KIF16B: variants seen among roughly 807,000 people sequenced by gnomAD.
The protein encoded by KIF16B is kinesin family member 16B.
KIF16B carries 98 observed loss-of-function variants against 156.3 expected under a neutral mutation model. That is an observed-to-expected ratio of 0.63 (90% CI 0.53 to 0.74). The LOEUF is 0.74. KIF16B is among the 30% of genes least tolerant of loss of function. The pLI is 0.00. For synonymous variants in KIF16B, 564 were observed against 583.7 expected, an observed-to-expected ratio of 0.97 and a Z score of 0.49; for missense variants, 1,421 against 1,606.5, an observed-to-expected ratio of 0.88 and a Z score of 1.97.
intron 12 of KIF16B, among the ~76,000 whole-genome samples, chr20:16,439,205 A>G (rs2066728258): frequency 6.6e-6 from 1 of 152,026 alleles, no homozygotes; most frequent in Admixed American, 6.6e-5. Context: ...ACAACTTTCC[A>G]TCTCCACTGC....
At chr20:16,359,748 A>C (rs2064516089) in intron 22 of KIF16B, among the ~76,000 whole-genome samples, 1 of 152,156 alleles carries the variant, frequency 6.6e-6, no homozygotes, top group Non-Finnish European at 1.5e-5. Context: ...TAGATCTTAT[A>C]ATATTACGTA....
chr20:16,293,217 G>C (rs75510978), intron 25 of KIF16B, among the ~76,000 whole-genome samples: 5,229 of 152,248 alleles, frequency 0.034, 97 homozygotes, highest in Middle Eastern at 0.054. Context: ...AAGAATCGAC[G>C]AACTGTTTAC....
intron 5 of KIF16B, 66 bp from the exon 6 acceptor site, chr20:16,511,593 A>G: frequency 3.0e-6 from 3 of 1,000,144 alleles, no homozygotes; most frequent in East Asian, 5.1e-5. Context: ...GTAACAACAC[A>G]TAACAGCAGC....
At chr20:16,347,552 G>A (rs1394389545) in intron 23 of KIF16B, among the ~76,000 whole-genome samples, 2 of 151,826 alleles carry the variant, frequency 1.3e-5, no homozygotes, top group Non-Finnish European at 2.9e-5. Context: ...TGGTTTGTGT[G>A]AAAACCGGGA....
At chr20:16,409,967 A>ATATATATATATGTAGG (rs1555877397) in intron 15 of KIF16B, among the ~76,000 whole-genome samples, 19 of 30,104 alleles carry the variant, frequency 6.3e-4, no homozygotes, top group Admixed American at 2.3e-3. Flanking sequence ...ATATATATAT[A>ATATATATATATGTAGG]TACATATATA....
At chr20:16,552,420 T>G (rs1600684633) in intron 1 of KIF16B, among the ~76,000 whole-genome samples, 1 of 152,218 alleles carries the variant, frequency 6.6e-6, no homozygotes, top group East Asian at 1.9e-4. Context: ...TTCGTTGAGG[T>G]TTTCAGGTGA....
chr20:16,311,222 C>T (rs901518741), intron 25 of KIF16B, among the ~76,000 whole-genome samples: 4 of 152,344 alleles, frequency 2.6e-5, no homozygotes, highest in Non-Finnish European at 4.4e-5. Flanking sequence ...GGCGCAGTGG[C>T]TCACGCCTGT....
chr20:16,528,240 C>A, intron 2 of KIF16B, 131 bp downstream of exon 2: 1 of 661,492 alleles, frequency 1.5e-6, no homozygotes, highest in Non-Finnish European at 2.7e-6. Context: ...CAGGTGCAAG[C>A]TGACGTGGCT....
rs555820075 is a variant in KIF16B, at chr20:16,499,526, T to C, written c.1177-1848A>G. On this transcript the variant is annotated intron_variant, in intron 10 of 25. Coordinates refer to ENST00000354981, the MANE Select transcript of KIF16B (RefSeq NM_024704.5). ...ATGCATCATTGCATCTAACATGTTG[T>C]CTTGCACAGAGATGGTACTTAATAA... Among the ~76,000 whole-genome samples, 9 of 152,370 alleles carry C rather than the reference T, an allele frequency of 5.9e-5. No individual in the cohort carries two copies. In the East Asian group the frequency reaches 1.7e-3, roughly 29 times the overall value.
chr20:16,275,394 G>A (rs140871562), intron 25 of KIF16B, among the ~76,000 whole-genome samples: 49 of 152,250 alleles, frequency 3.2e-4, no homozygotes, highest in Non-Finnish European at 6.9e-4. Context: ...AACTTCATGA[G>A]TGCTGACCCA....
chr20:16,412,477 T>C (rs111385651), intron 15 of KIF16B, among the ~76,000 whole-genome samples: 2,673 of 152,184 alleles, frequency 0.018, 81 homozygotes, highest in African/African-American at 0.06. Context: ...CAAGACTGGG[T>C]AATTTATAAA....
intron 15 of KIF16B, among the ~76,000 whole-genome samples, chr20:16,424,308 C>T (rs1004256057): frequency 4.6e-5 from 7 of 152,036 alleles, no homozygotes; most frequent in Admixed American, 1.3e-4. Flanking sequence ...CCCAGGTTGG[C>T]GCTCCATCGC....
intron 17 of KIF16B, among the ~76,000 whole-genome samples, chr20:16,386,490 C>G (rs749765440): frequency 1.3e-5 from 2 of 151,694 alleles, no homozygotes; most frequent in Non-Finnish European, 2.9e-5. Flanking sequence ...GTGAGAGGAA[C>G]CTGGAGATGG....
At position 16,500,689 on chromosome 20, in the gene KIF16B, C is replaced by T. The variant is rs575881215; in HGVS notation, c.1177-3011G>A. ...AGCTCACACAATGCTGTTTCTGCAC[C>T]GCTTTCTTTCCTCTTGAATTCACTG... On this transcript the variant is annotated intron_variant, in intron 10 of 25. Coordinates refer to ENST00000354981, the MANE Select transcript of KIF16B (RefSeq NM_024704.5). Among the ~76,000 whole-genome samples, 15 of 152,162 alleles carry T rather than the reference C, an allele frequency of 9.9e-5. No homozygotes were observed. In the East Asian group the frequency reaches 2.3e-3, roughly 24 times the overall value.
chr20:16,377,589 C>T (rs549713488), intron 19 of KIF16B, among the ~76,000 whole-genome samples: 1 of 151,958 alleles, frequency 6.6e-6, no homozygotes, highest in Non-Finnish European at 1.5e-5. Flanking sequence ...TGATCTCATC[C>T]ATCCTCTTCT....
intron 15 of KIF16B, among the ~76,000 whole-genome samples, chr20:16,424,275 G>A (rs2066299016): frequency 1.3e-5 from 2 of 152,090 alleles, no homozygotes; most frequent in African/African-American, 4.8e-5. Flanking sequence ...ATGAATGGGT[G>A]GGTGGATGGA....
chr20:16,410,753 T>C (rs1434674413), intron 15 of KIF16B, among the ~76,000 whole-genome samples: 1 of 152,114 alleles, frequency 6.6e-6, no homozygotes, highest in Non-Finnish European at 1.5e-5. Flanking sequence ...CATGTCTTTT[T>C]GTTAGCATAA....
At chr20:16,283,177 T>A (rs2063171948) in intron 25 of KIF16B, among the ~76,000 whole-genome samples, 1 of 152,110 alleles carries the variant, frequency 6.6e-6, no homozygotes, top group Non-Finnish European at 1.5e-5. Flanking sequence ...AAATTAAGGA[T>A]ATTATGTAGG....
At chr20:16,568,823 A>C (rs1358774376) in intron 1 of KIF16B, among the ~76,000 whole-genome samples, 1 of 36,968 alleles carries the variant, frequency 2.7e-5, no homozygotes, top group Non-Finnish European at 6.2e-5. Context: ...CTGTCTCAAA[A>C]AAAAAAAAAA....
Sources: allele counts gnomAD v4.1 joint callset (sites outside exome capture counted in the v4.1 genomes callset), GRCh38; gene constraint gnomAD v4.1.1; transcripts MANE v1.5; gene names NCBI Gene and HGNC (gene_info 2026-07-23, HGNC 2026-07-21).